TPRG1: variants seen among roughly 807,000 people sequenced by gnomAD.
TPRG1 encodes the protein tumor protein p63 regulated 1.
TPRG1 carries 29 observed loss-of-function variants against 29.3 expected under a neutral mutation model. The ratio of observed to expected loss-of-function variants is 0.99; its 90% confidence interval spans 0.74 to 1.35. The LOEUF (loss-of-function observed/expected upper bound fraction) is 1.35. Among genes scored for constraint, TPRG1 ranks in the 40% most tolerant of loss-of-function variants. The pLI is 0.00. For synonymous variants in TPRG1, 130 were observed against 116.8 expected, an observed-to-expected ratio of 1.11 and a Z score of -0.73; for missense variants, 327 against 335.0, an observed-to-expected ratio of 0.98 and a Z score of 0.19.
chr3:189,313,928 T>C (rs189169665), intron 5 of TPRG1, among the ~76,000 whole-genome samples: 84 of 152,324 alleles, frequency 5.5e-4, no homozygotes, highest in African/African-American at 2.0e-3. Flanking sequence ...TAATGTTACA[T>C]AGTCCCCACT....
intron 1 of TPRG1, among the ~76,000 whole-genome samples, chr3:189,118,740 C>A (rs553167794): frequency 1.3e-5 from 2 of 152,282 alleles, no homozygotes; most frequent in East Asian, 3.9e-4. Flanking sequence ...TGGTGTTGGT[C>A]CTGTGGGTAC....
chr3:189,173,660 AGT>A (rs1476840576), intron 1 of TPRG1, among the ~76,000 whole-genome samples: 1 of 152,048 alleles, frequency 6.6e-6, no homozygotes, highest in Non-Finnish European at 1.5e-5. Context: ...AGAAAGATGA[AGT>A]GATATGCACA....
intron 1 of TPRG1, among the ~76,000 whole-genome samples, chr3:189,203,562 C>T (rs1733830660): frequency 6.6e-6 from 1 of 152,096 alleles, no homozygotes; most frequent in African/African-American, 2.4e-5. Flanking sequence ...GCAATGTTTG[C>T]GTGTTATTTT....
intron 4 of TPRG1, among the ~76,000 whole-genome samples, chr3:189,269,483 G>A (rs988749793): frequency 1.3e-5 from 2 of 152,172 alleles, no homozygotes; most frequent in African/African-American, 4.8e-5. Context: ...GAAGAGGCAT[G>A]TTCAAGAAAT....
At chr3:189,146,203 A>G (rs1560486216) in intron 3 of TPRG1, among the ~76,000 whole-genome samples, 1 of 152,200 alleles carries the variant, frequency 6.6e-6, no homozygotes, top group African/African-American at 2.4e-5. Context: ...GAATGTATTA[A>G]AGCTTTGTTT....
intron 4 of TPRG1, among the ~76,000 whole-genome samples, chr3:189,278,037 C>T (rs1223874813): frequency 6.6e-6 from 1 of 152,186 alleles, no homozygotes; most frequent in African/African-American, 2.4e-5. Context: ...CATTTCCTTT[C>T]TCAGGCTTTG....
At chr3:189,233,486 G>T (rs776749872) in intron 3 of TPRG1, among the ~76,000 whole-genome samples, 6 of 152,100 alleles carry the variant, frequency 3.9e-5, no homozygotes, top group Admixed American at 6.6e-5. Flanking sequence ...GAGTTCTCAG[G>T]TGCCTTTTTA....
intron 1 of TPRG1, among the ~76,000 whole-genome samples, chr3:189,113,719 G>A (rs1251199740): frequency 6.6e-6 from 1 of 151,178 alleles, no homozygotes; most frequent in Non-Finnish European, 1.5e-5. Flanking sequence ...ATTGAACAAT[G>A]AGAACACATG....
Position 189,078,008 on chromosome 3 carries a change from T to TTTCCTTCCTTCCTTCC in TPRG1, c.-462-49010_-462-48995dup, listed in dbSNP as rs773510018. 8.1e-3 allele frequency among the ~76,000 whole-genome samples: 802 copies of TTTCCTTCCTTCCTTCC among 98,512 alleles called. 30 individuals carry two copies. Among genetic ancestry groups the TTTCCTTCCTTCCTTCC allele is most frequent in the African/African-American group, 0.021 (451 of 21,222 alleles). 64.6% of individuals were successfully genotyped at this position (98,512 alleles called of 152,430 possible). ...TCATTAATATTTCTCCTAAAAACCT[T>TTTCCTTCCTTCCTTCC]TTCCTTCCTTCCTTCCTTCCTTCCT... is the stretch of plus-strand genomic sequence containing the variant. On this transcript the variant is annotated intron_variant, in intron 4 of 10. Transcript: ENST00000433971.
intron 4 of TPRG1, among the ~76,000 whole-genome samples, chr3:189,284,163 C>T (rs539184803): frequency 2.6e-5 from 4 of 151,488 alleles, no homozygotes; most frequent in Admixed American, 6.6e-5. Context: ...CATCCCTCCC[C>T]GCATTTTTCT....
At chr3:189,038,144 T>C (rs1011769534) in intron 4 of TPRG1, among the ~76,000 whole-genome samples, 9 of 151,878 alleles carry the variant, frequency 5.9e-5, no homozygotes, top group Non-Finnish European at 1.0e-4. Flanking sequence ...TCTATTATTA[T>C]ATAACCATAA....
intron 1 of TPRG1, chr3:189,126,935 G>A (rs1421976256): frequency 1.3e-5 from 2 of 152,140 alleles, no homozygotes; most frequent in African/African-American, 4.8e-5. Flanking sequence ...ATGATCTAGG[G>A]TTTGAATCCA....
chr3:189,180,273 C>T (rs1283973047), intron 1 of TPRG1, among the ~76,000 whole-genome samples: 2 of 152,256 alleles, frequency 1.3e-5, no homozygotes, highest in African/African-American at 2.4e-5. Flanking sequence ...CTCATGTTCT[C>T]ACATTTCAAA....
At chr3:189,235,217 CTT>C (rs34934049) in intron 3 of TPRG1, among the ~76,000 whole-genome samples, 1 of 129,688 alleles carries the variant, frequency 7.7e-6, no homozygotes. Context: ...ATGAGGTTTG[CTT>C]TTTTTTTTTT....
chr3:189,248,967 ATACATACAGAGTTC>A (rs1390485312), intron 4 of TPRG1, among the ~76,000 whole-genome samples: 1 of 151,312 alleles, frequency 6.6e-6, no homozygotes, highest in Non-Finnish European at 1.5e-5. Flanking sequence ...TTAGTATATC[ATACATACAGAGTTC>A]TACATATAGA....
At chr3:189,275,409 C>T (rs947005316) in intron 4 of TPRG1, among the ~76,000 whole-genome samples, 31 of 151,864 alleles carry the variant, frequency 2.0e-4, no homozygotes, top group African/African-American at 7.3e-4. Flanking sequence ...CCAGTGGAGA[C>T]GAATTGACAA....
At chr3:189,285,881 TA>T (rs1421625716) in intron 4 of TPRG1, among the ~76,000 whole-genome samples, 27 of 152,202 alleles carry the variant, frequency 1.8e-4, no homozygotes, top group African/African-American at 6.5e-4. Context: ...CATGCTAGTT[TA>T]TTTTTTTTTC....
At chr3:189,220,973 T>C (rs1381691199) in intron 3 of TPRG1, among the ~76,000 whole-genome samples, 1 of 152,188 alleles carries the variant, frequency 6.6e-6, no homozygotes, top group Non-Finnish European at 1.5e-5. Flanking sequence ...TACCATATAG[T>C]TTTTATAAAG....
intron 1 of TPRG1, among the ~76,000 whole-genome samples, chr3:189,112,666 G>A (rs1216933891): frequency 2.0e-5 from 3 of 151,824 alleles, no homozygotes; most frequent in Non-Finnish European, 2.9e-5. Context: ...TCTCAGGTTT[G>A]TCAAAGATCA....
Sources: gnomAD v4.1 joint callset for allele counts (sites outside exome capture counted in the v4.1 genomes callset) on GRCh38, gnomAD v4.1.1 for gene constraint, MANE v1.5 for transcripts, NCBI Gene and HGNC (gene_info 2026-07-23, HGNC 2026-07-21) for gene names.